The following ABCC9 variants were observed in gnomAD, a reference collection of about 807,000 sequenced individuals.
The protein encoded by ABCC9 is ATP-binding cassette sub-family C member 9.
Under a neutral mutation model 188.3 loss-of-function variants are expected in ABCC9, and 95 were observed. That is an observed-to-expected ratio of 0.50 (90% CI 0.43 to 0.60). The LOEUF (loss-of-function observed/expected upper bound fraction) is 0.60. Ranked by LOEUF, ABCC9 falls within the 20% of genes least tolerant of loss-of-function variation. ABCC9 has a pLI of 0.00. For synonymous variants in ABCC9, 659 were observed against 652.7 expected, an observed-to-expected ratio of 1.01 and a Z score of -0.15; for missense variants, 1,102 against 1,876.3, an observed-to-expected ratio of 0.59 and a Z score of 7.62.
intron 39 of ABCC9, among the ~76,000 whole-genome samples, chr12:21,802,724 A>T (rs976215867): frequency 4.6e-5 from 7 of 152,176 alleles, no homozygotes; most frequent in Non-Finnish European, 8.8e-5. Flanking sequence ...CCCTGTCCAG[A>T]GTTCTAAACC....
intron 34 of ABCC9, 83 bp from the exon 35 acceptor site, chr12:21,814,805 A>G: frequency 1.9e-6 from 2 of 1,057,628 alleles, no homozygotes; most frequent in Non-Finnish European, 2.9e-6. Flanking sequence ...TTAACTTAAG[A>G]TATTATGATA....
intron 16 of ABCC9, among the ~76,000 whole-genome samples, chr12:21,879,598 A>C (rs539222031): frequency 6.6e-6 from 1 of 152,264 alleles, no homozygotes; most frequent in African/African-American, 2.4e-5. Context: ...GTTGTCTGCT[A>C]AGTGAATTTC....
intron 22 of ABCC9, among the ~76,000 whole-genome samples, chr12:21,855,807 G>A (rs980838151): frequency 1.3e-5 from 2 of 152,046 alleles, no homozygotes; most frequent in African/African-American, 4.8e-5. Context: ...GATTAATATT[G>A]TGCTTACCCC....
chr12:21,845,961 A>G (rs916448468), intron 25 of ABCC9, 129 bp from the exon 26 acceptor site: 29 of 773,852 alleles, frequency 3.7e-5, no homozygotes, highest in African/African-American at 6.9e-5. Context: ...GAAGTTTTAA[A>G]TGCTTTTAGT....
rs1425166326 is a variant in ABCC9, at chr12:21,799,837, A to G, written c.*1207T>C. On this transcript the variant is annotated 3_prime_UTR_variant, in exon 40 of 40. Transcript: ENST00000261200. ...AAACTGGTTGCTAACGTGACAAAGAAGGTGACTTTTAGTATTTTTGAATTT... is the reference window on the plus strand; with the variant it reads ...AAACTGGTTGCTAACGTGACAAAGAGGGTGACTTTTAGTATTTTTGAATTT... 6.6e-6 allele frequency: 1 copy of G among 152,206 alleles called. No individual in the cohort carries two copies. The highest frequency in any genetic ancestry group is 1.5e-5 in the Non-Finnish European group (1 of 68,044). The allele number at this position is 152,206 out of a possible 1,614,324, so 9.4% of individuals were successfully genotyped here.
rs1054446244 is a variant in ABCC9 at position 21,906,152 on chromosome 12, G to C, written c.1592C>G (p.Thr531Ser). Reference protein sequence around the residue: ...TRMKELSSLKTFALYTSLSIF... With the variant: ...TRMKELSSLKSFALYTSLSIF... ...GGAGAGTGATGTATATAGTGCAAAGGTTTTGAGACTAGATAGTTCTTTCAT... is the reference window on the plus strand; with the variant it reads ...GGAGAGTGATGTATATAGTGCAAAGCTTTTGAGACTAGATAGTTCTTTCAT... The change falls in exon 12 of 40, where the codon ACC becomes AGC. Residue 531 changes from threonine to serine, a missense_variant. Coordinates refer to ENST00000261200, the MANE Select transcript of ABCC9 (RefSeq NM_020297.4). The C allele has an allele frequency of 1.9e-6, 3 of 1,613,000 alleles. No homozygotes were observed. Among genetic ancestry groups the C allele is most frequent in the Non-Finnish European group, 2.5e-6 (3 of 1,179,294 alleles).
intron 35 of ABCC9, among the ~76,000 whole-genome samples, chr12:21,813,211 T>C (rs1942380756): frequency 6.6e-6 from 1 of 152,206 alleles, no homozygotes. Flanking sequence ...GTGATATGAC[T>C]ATCAAGTTTT....
chr12:21,813,311 T>C (rs980431529), intron 35 of ABCC9, among the ~76,000 whole-genome samples: 1 of 152,192 alleles, frequency 6.6e-6, no homozygotes, highest in African/African-American at 2.4e-5. Context: ...GTTAATCCTA[T>C]CACTTTTGTG....
intron 4 of ABCC9, 110 bp downstream of exon 4, chr12:21,933,672 G>C (rs878858462): frequency 7.5e-7 from 1 of 1,324,554 alleles, no homozygotes; most frequent in South Asian, 1.2e-5. Flanking sequence ...GGATCAGAGA[G>C]CAAAAAATAT....
intron 30 of ABCC9, among the ~76,000 whole-genome samples, chr12:21,836,690 C>T (rs2137328379): frequency 1.3e-5 from 2 of 152,172 alleles, no homozygotes; most frequent in Admixed American, 1.3e-4. Flanking sequence ...CCCATGTTAG[C>T]TACTTAGTCA....
chr12:21,908,322 T>C lies in ABCC9; in HGVS notation c.1321-111A>G, dbSNP rs17846786. ...AGTATTTCTTAATTATTATATTGTT[T>C]ATTTGGAAGTCAACGGTATTAGGGT... On this transcript the variant is annotated intron_variant, in intron 10 of 39. Transcript: ENST00000261200. 2.1e-4 allele frequency: 279 copies of C among 1,344,556 alleles called. 6 individuals are homozygous for C. In the East Asian group the frequency reaches 6.8e-3, roughly 33 times the overall value. 83.3% of individuals were successfully genotyped at this position (1,344,556 alleles called of 1,614,324 possible). A position where few individuals can be genotyped will look rare whatever the true frequency, so the allele number is the denominator to read the frequency against.
chr12:21,837,627 G>T (rs1944168457), intron 30 of ABCC9, among the ~76,000 whole-genome samples: 1 of 152,092 alleles, frequency 6.6e-6, no homozygotes, highest in Admixed American at 6.5e-5. Flanking sequence ...CAACTTTGGT[G>T]TAATAATATT....
intron 35 of ABCC9, 61 bp from the exon 36 acceptor site, chr12:21,812,218 T>C: frequency 7.9e-7 from 1 of 1,259,784 alleles, no homozygotes; most frequent in East Asian, 2.3e-5. Context: ...ATAATATTTG[T>C]TTACAAATTG....
At chr12:21,809,286 T>C (rs986198758) in intron 37 of ABCC9, among the ~76,000 whole-genome samples, 2 of 152,158 alleles carry the variant, frequency 1.3e-5, no homozygotes, top group Non-Finnish European at 2.9e-5. Context: ...TTATCAGTGA[T>C]TGAGTACATG....
At chr12:21,915,426 GTGTGTATATA>G (rs1354925460) in intron 7 of ABCC9, among the ~76,000 whole-genome samples, 1 of 134,152 alleles carries the variant, frequency 7.5e-6, no homozygotes, top group African/African-American at 2.8e-5. Flanking sequence ...GTGTATATAT[GTGTGTATATA>G]TGTGTATATA....
chr12:21,802,453 CA>C (rs1420888681), intron 39 of ABCC9, among the ~76,000 whole-genome samples: 2 of 152,064 alleles, frequency 1.3e-5, no homozygotes, highest in Non-Finnish European at 2.9e-5. Context: ...TAGAAATAAA[CA>C]AATGAAAGCA....
intron 34 of ABCC9, among the ~76,000 whole-genome samples, chr12:21,815,067 C>G (rs771936923): frequency 4.5e-4 from 68 of 152,068 alleles, no homozygotes; most frequent in Admixed American, 2.4e-3. Context: ...CCTGTAGTCC[C>G]AGCTACTCAG....
intron 37 of ABCC9, among the ~76,000 whole-genome samples, chr12:21,809,562 A>G (rs1056258677): frequency 6.6e-6 from 1 of 152,116 alleles, no homozygotes; most frequent in Non-Finnish European, 1.5e-5. Context: ...ACAGGGAAAC[A>G]TCCATTACAA....
At chr12:21,826,395 C>G (rs1435103254) in intron 31 of ABCC9, among the ~76,000 whole-genome samples, 2 of 152,044 alleles carry the variant, frequency 1.3e-5, no homozygotes, top group African/African-American at 2.4e-5. Flanking sequence ...CCAGTTATTC[C>G]AAACTAAAAT....
Sources: gnomAD v4.1 joint callset for allele counts (sites outside exome capture counted in the v4.1 genomes callset) on GRCh38, gnomAD v4.1.1 for gene constraint, MANE v1.5 for transcripts, NCBI Gene and HGNC (gene_info 2026-07-23, HGNC 2026-07-21) for gene names.